UAP1: variants seen among roughly 807,000 people sequenced by gnomAD.
The protein encoded by UAP1 is UDP-N-acetylglucosamine pyrophosphorylase 1.
A neutral mutation model predicts 58.5 loss-of-function variants in UAP1; 25 were observed. The ratio of observed to expected loss-of-function variants is 0.43; its 90% CI spans 0.31 to 0.60. The LOEUF is 0.60. UAP1 is among the 20% of genes least tolerant of loss of function. The probability of loss-of-function intolerance (pLI) is 0.11; values close to 1 mark genes in which losing one functional copy is unlikely to be tolerated. For missense variants in UAP1, 575 were observed against 630.0 expected, an observed-to-expected ratio of 0.91 and a Z score of 0.93; for synonymous variants, 208 against 213.0, an observed-to-expected ratio of 0.98 and a Z score of 0.21.
At chr1:162,583,840 G>A (rs1334039634) in intron 5 of UAP1, among the ~76,000 whole-genome samples, 1 of 151,588 alleles carries the variant, frequency 6.6e-6, no homozygotes, top group African/African-American at 2.4e-5. Context: ...GGGTTTCACT[G>A]TGTTGCCTAG....
chr1:162,581,200 G>T, intron 4 of UAP1, 87 bp from the exon 5 acceptor site: 1 of 1,419,878 alleles, frequency 7.0e-7, no homozygotes. Flanking sequence ...TGTTTTTTAG[G>T]GATCTTAACC....
At chr1:162,568,828 A>T (rs1202829745) in intron 2 of UAP1, among the ~76,000 whole-genome samples, 2 of 152,214 alleles carry the variant, frequency 1.3e-5, no homozygotes, top group Non-Finnish European at 2.9e-5. Flanking sequence ...ACTCTTATGG[A>T]AAGTCAACAC....
chr1:162,600,718 C>A (rs1655867940), downstream of UAP1, among the ~76,000 whole-genome samples: 1 of 150,796 alleles, frequency 6.6e-6, no homozygotes, highest in South Asian at 2.1e-4. Flanking sequence ...TAACTAAGGC[C>A]TAAATCATTC....
intron 5 of UAP1, among the ~76,000 whole-genome samples, chr1:162,583,801 T>C (rs1461351127): frequency 6.6e-6 from 1 of 152,038 alleles, no homozygotes; most frequent in Non-Finnish European, 1.5e-5. Flanking sequence ...TTAATTTTTC[T>C]GGGTCTTTTT....
At chr1:162,596,574 A>T (rs980394614) in intron 9 of UAP1, among the ~76,000 whole-genome samples, 1 of 152,184 alleles carries the variant, frequency 6.6e-6, no homozygotes, top group Non-Finnish European at 1.5e-5. Context: ...GAGGATGAGT[A>T]TGGTTTTTAT....
chr1:162,570,143 C>G (rs77925770), intron 2 of UAP1, among the ~76,000 whole-genome samples: 1 of 143,914 alleles, frequency 6.9e-6, no homozygotes, highest in Admixed American at 7.0e-5. Context: ...AGCGAGACTC[C>G]GTCTCAAAAA....
At chr1:162,578,850 A>G (rs945040660) in intron 3 of UAP1, among the ~76,000 whole-genome samples, 2 of 152,176 alleles carry the variant, frequency 1.3e-5, no homozygotes, top group Admixed American at 1.3e-4. Flanking sequence ...CCCTTCTTAT[A>G]TGTAGTTTAC....
chr1:162,562,786 T>C (rs948914102), intron 1 of UAP1, among the ~76,000 whole-genome samples: 4 of 152,162 alleles, frequency 2.6e-5, no homozygotes, highest in Non-Finnish European at 5.9e-5. Flanking sequence ...TTTATAGGAT[T>C]CAGTTGGTGG....
At chr1:162,595,931 A>G (rs2101843964) in intron 9 of UAP1, among the ~76,000 whole-genome samples, 2 of 152,180 alleles carry the variant, frequency 1.3e-5, no homozygotes, top group Middle Eastern at 6.8e-3. Context: ...AGCTCATTGC[A>G]ACCTTCACCT....
intron 8 of UAP1, among the ~76,000 whole-genome samples, 182 bp downstream of exon 8, chr1:162,590,693 A>G (rs1005654529): frequency 2.6e-5 from 4 of 151,796 alleles, no homozygotes; most frequent in African/African-American, 9.7e-5. Context: ...TGATTGTTTT[A>G]CTTTCTTGTG....
chr1:162,573,603 T>A (rs750840962), intron 2 of UAP1, among the ~76,000 whole-genome samples: 6 of 152,152 alleles, frequency 3.9e-5, no homozygotes. Context: ...GTAGCTAAGG[T>A]CAGCTTCATA....
downstream of UAP1, among the ~76,000 whole-genome samples, chr1:162,600,229 T>G (rs552222994): frequency 6.6e-6 from 1 of 152,346 alleles, no homozygotes; most frequent in African/African-American, 2.4e-5. Flanking sequence ...GAAGCCTTGT[T>G]TCAAATTATT....
chr1:162,588,761 A>T, exon 7 of UAP1: 1 of 1,612,568 alleles, frequency 6.2e-7, no homozygotes, highest in Middle Eastern at 1.7e-4. Context: ...ACCCAAGGAC[A>T]GTTAATTAAG....
intron 9 of UAP1, chr1:162,593,758 A>G (rs1311888164): frequency 1.3e-5 from 2 of 152,220 alleles, no homozygotes; most frequent in African/African-American, 2.4e-5. Flanking sequence ...AAAAAAAAAA[A>G]AAAGAAAGAA....
intron 2 of UAP1, among the ~76,000 whole-genome samples, chr1:162,568,326 A>G (rs962982260): frequency 1.2e-4 from 18 of 152,250 alleles, no homozygotes; most frequent in African/African-American, 3.9e-4. Context: ...AAAGAACCCA[A>G]GGGTTTTCAC....
rs141822308 is a variant in UAP1 at position 162,563,834 on chromosome 1, A to G, written c.-58+2057A>G. ...CTTTACTCTTGACTATCTTGAAGGC[A>G]TGTGAGAAAGGTTGGTTGTCTTATA... On this transcript the variant is annotated intron_variant, in intron 1 of 10. Coordinates refer to ENST00000271469, the Ensembl canonical transcript of UAP1. Among the ~76,000 whole-genome samples the G allele has an allele frequency of 8.8e-3, 1,342 of 152,306 alleles. 10 individuals carry two copies. The highest frequency in any genetic ancestry group is 0.034 in the Middle Eastern group (10 of 294).
At chr1:162,583,454 G>A (rs1396549907) in intron 5 of UAP1, among the ~76,000 whole-genome samples, 1 of 151,772 alleles carries the variant, frequency 6.6e-6, no homozygotes, top group East Asian at 1.9e-4. Flanking sequence ...TGCCCAGCTG[G>A]TGTCACTCTT....
chr1:162,572,777 A>G (rs781512569), intron 2 of UAP1, among the ~76,000 whole-genome samples: 28 of 152,346 alleles, frequency 1.8e-4, no homozygotes, highest in Non-Finnish European at 2.8e-4. Flanking sequence ...CTGAATAGAC[A>G]TGACTATTTG....
chr1:162,579,695 A>G, intron 4 of UAP1, 92 bp downstream of exon 4: 1 of 1,141,604 alleles, frequency 8.8e-7, no homozygotes, highest in Non-Finnish European at 1.2e-6. Context: ...TGATTTTGAT[A>G]TTTAAACATT....
Sources: gnomAD v4.1 joint callset for allele counts (sites outside exome capture counted in the v4.1 genomes callset) on GRCh38, gnomAD v4.1.1 for gene constraint, MANE v1.5 for transcripts, NCBI Gene and HGNC (gene_info 2026-07-23, HGNC 2026-07-21) for gene names.